The following GLIS1 variants were observed in gnomAD, a reference collection of about 807,000 sequenced individuals.
The protein encoded by GLIS1 is GLIS family zinc finger 1.
Under a neutral mutation model 63.8 loss-of-function variants are expected in GLIS1, and 24 were observed. The observed-to-expected ratio is 0.38, with a 90% confidence interval of 0.27 to 0.53. The LOEUF (loss-of-function observed/expected upper bound fraction) is 0.53, where lower values mean the gene tolerates loss of function less well. GLIS1 is among the 20% of genes least tolerant of loss of function. The pLI is 0.85. For synonymous variants in GLIS1, 450 were observed against 482.5 expected (o/e 0.93, Z 0.88); for missense variants, 1,036 against 1,074.1 (o/e 0.96, Z 0.50).
intron 2 of GLIS1, among the ~76,000 whole-genome samples, chr1:53,721,456 T>C (rs1054987987): frequency 1.3e-5 from 2 of 152,136 alleles, no homozygotes; most frequent in Non-Finnish European, 2.9e-5. Flanking sequence ...GCTTCCACTG[T>C]TTTTATTTTT....
intron 2 of GLIS1, among the ~76,000 whole-genome samples, chr1:53,603,861 T>C (rs1289796460): frequency 6.6e-6 from 1 of 152,224 alleles, no homozygotes; most frequent in East Asian, 1.9e-4. Context: ...TCCTAGAATG[T>C]CAGAGTTGGG....
At chr1:53,533,962 A>T (rs542526985) in intron 4 of GLIS1, among the ~76,000 whole-genome samples, 1 of 152,246 alleles carries the variant, frequency 6.6e-6, no homozygotes, top group East Asian at 1.9e-4. Context: ...TGGGGAGCTG[A>T]TGCTCAGGGT....
At chr1:53,682,374 C>T (rs868459202) in intron 2 of GLIS1, among the ~76,000 whole-genome samples, 4 of 152,224 alleles carry the variant, frequency 2.6e-5, no homozygotes, top group African/African-American at 4.8e-5. Flanking sequence ...TGCATCCCCG[C>T]GAGGAGCTCA....
chr1:53,730,310 A>G (rs1646847743), intron 2 of GLIS1, among the ~76,000 whole-genome samples: 1 of 152,202 alleles, frequency 6.6e-6, no homozygotes, highest in Non-Finnish European at 1.5e-5. Context: ...ATTTATTTAC[A>G]GGGTTGGAAA....
intron 1 of GLIS1, among the ~76,000 whole-genome samples, 178 bp downstream of exon 1, chr1:53,738,927 G>C (rs1041307673): frequency 1.9e-4 from 29 of 152,170 alleles, no homozygotes; most frequent in Non-Finnish European, 1.9e-4. Context: ...CGTGCGATGG[G>C]GGCCGCGACA....
chr1:53,594,774 G>A lies in GLIS1; in HGVS notation c.654C>T (p.Ser218=), dbSNP rs368812436. 9.9e-5 allele frequency: 158 copies of A among 1,600,240 alleles called. No homozygotes were observed. Among genetic ancestry groups the A allele is most frequent in the African/African-American group, 3.6e-4 (27 of 74,818 alleles). Residue 218 remains serine, a synonymous_variant, in exon 4 of 11, where the codon AGC becomes AGT. Transcript: ENST00000628545. ...GGAGGCCCAGGCCAGAGCTGGGTTCGCTGCCCAGAAGGTAGCAGGAAGGCG... is the reference window on the plus strand; with the variant it reads ...GGAGGCCCAGGCCAGAGCTGGGTTCACTGCCCAGAAGGTAGCAGGAAGGCG... ...TPAPSCYLLG[S]EPSSGLGLQP... is the part of the protein sequence containing the mutation.
At chr1:53,722,398 T>C (rs1646764644) in intron 2 of GLIS1, among the ~76,000 whole-genome samples, 1 of 152,202 alleles carries the variant, frequency 6.6e-6, no homozygotes, top group African/African-American at 2.4e-5. Context: ...TATATATACA[T>C]ATTTGTTTGT....
At chr1:53,530,744 C>T (rs1644521767) in intron 4 of GLIS1, among the ~76,000 whole-genome samples, 1 of 150,562 alleles carries the variant, frequency 6.6e-6, no homozygotes, top group African/African-American at 2.5e-5. Flanking sequence ...CCTCCCTCAG[C>T]CCTCACAGCC....
chr1:53,602,785 T>C (rs2100554022), intron 2 of GLIS1, among the ~76,000 whole-genome samples: 1 of 152,328 alleles, frequency 6.6e-6, no homozygotes, highest in South Asian at 2.1e-4. Context: ...AAAGCCCACA[T>C]CCTGCTGCCT....
intron 2 of GLIS1, among the ~76,000 whole-genome samples, chr1:53,719,380 T>C (rs1427088885): frequency 6.6e-6 from 1 of 152,188 alleles, no homozygotes; most frequent in Admixed American, 6.5e-5. Flanking sequence ...AAACGTCAGC[T>C]TCTCAACAAT....
intron 2 of GLIS1, among the ~76,000 whole-genome samples, chr1:53,644,261 C>T (rs1397553077): frequency 6.6e-6 from 1 of 152,212 alleles, no homozygotes; most frequent in Non-Finnish European, 1.5e-5. Flanking sequence ...TAAAACTGTA[C>T]CCCATCCTGT....
At chr1:53,676,398 C>T (rs1570031157) in intron 2 of GLIS1, among the ~76,000 whole-genome samples, 1 of 152,114 alleles carries the variant, frequency 6.6e-6, no homozygotes, top group South Asian at 2.1e-4. Flanking sequence ...CTGGGCTACC[C>T]GCCTCCCCCA....
chr1:53,599,394 A>C (rs1229472657), intron 3 of GLIS1, among the ~76,000 whole-genome samples: 1 of 152,160 alleles, frequency 6.6e-6, no homozygotes, highest in Non-Finnish European at 1.5e-5. Context: ...CAGCCCCCTC[A>C]CCAGGTAATG....
chr1:53,692,785 C>A (rs1284812656), intron 2 of GLIS1, among the ~76,000 whole-genome samples: 1 of 152,206 alleles, frequency 6.6e-6, no homozygotes, highest in Non-Finnish European at 1.5e-5. Flanking sequence ...CCTGCTTTCT[C>A]CCCACTGGGC....
chr1:53,698,628 C>A (rs1424316620), intron 2 of GLIS1, among the ~76,000 whole-genome samples: 1 of 152,204 alleles, frequency 6.6e-6, no homozygotes, highest in East Asian at 1.9e-4. Context: ...TCTGTTCAGC[C>A]CTGCCACCTG....
At chr1:53,623,696 T>C (rs1645568221) in intron 2 of GLIS1, among the ~76,000 whole-genome samples, 1 of 152,168 alleles carries the variant, frequency 6.6e-6, no homozygotes. Flanking sequence ...TAATAAAACA[T>C]AATAAATATT....
chr1:53,645,186 T>C (rs963077882), intron 2 of GLIS1, among the ~76,000 whole-genome samples: 1 of 152,198 alleles, frequency 6.6e-6, no homozygotes, highest in African/African-American at 2.4e-5. Flanking sequence ...CCCCCAGACA[T>C]CTGCATGGGT....
intron 2 of GLIS1, among the ~76,000 whole-genome samples, chr1:53,698,573 A>G (rs1646490683): frequency 6.6e-6 from 1 of 152,164 alleles, no homozygotes; most frequent in Admixed American, 6.5e-5. Flanking sequence ...CAGGGGTGAG[A>G]TATTTGTGAG....
chr1:53,652,927 G>A (rs140111252), intron 2 of GLIS1, among the ~76,000 whole-genome samples: 1 of 152,318 alleles, frequency 6.6e-6, no homozygotes, highest in East Asian at 1.9e-4. Context: ...ATCTGCAAGT[G>A]GGGATGATGA....
Sources: gnomAD v4.1 joint callset for allele counts (sites outside exome capture counted in the v4.1 genomes callset) on GRCh38, gnomAD v4.1.1 for gene constraint, MANE v1.5 for transcripts, NCBI Gene and HGNC (gene_info 2026-07-23, HGNC 2026-07-21) for gene names.